MTCL2: variants seen among roughly 807,000 people sequenced by gnomAD.
The protein encoded by MTCL2 is microtubule crosslinking factor 2.
At chr20:36,810,265 A>G in the MTCL2 span, among the ~76,000 whole-genome samples, 1 of 152,330 alleles carries the variant, frequency 6.6e-6, no homozygotes, top group Admixed American at 6.5e-5. Context: ...CCCACCTCTG[A>G]GGGTCGTCAT....
chr20:36,818,396 G>C, the MTCL2 span, among the ~76,000 whole-genome samples: 1 of 152,224 alleles, frequency 6.6e-6, no homozygotes, highest in Admixed American at 6.5e-5. Context: ...AACATAGCAA[G>C]ACCCTGTCTC....
At chr20:36,790,583 T>C in the MTCL2 span, among the ~76,000 whole-genome samples, 7 of 151,248 alleles carry the variant, frequency 4.6e-5, no homozygotes, top group Middle Eastern at 3.2e-3. Flanking sequence ...TATAGGCGCA[T>C]GCTGCCACGC....
At chr20:36,859,596 A>G in the MTCL2 span, 1 of 1,231,658 alleles carries the variant, frequency 8.1e-7, no homozygotes, top group Non-Finnish European at 1.0e-6. Context: ...AGCTCCTTCT[A>G]TCTTCTCACT....
At chr20:36,822,413 G>C in the MTCL2 span, among the ~76,000 whole-genome samples, 16 of 152,388 alleles carry the variant, frequency 1.0e-4, no homozygotes, top group African/African-American at 3.8e-4. Flanking sequence ...TGCAACAGGG[G>C]CTTCCCCACT....
At chr20:36,847,873 A>T in the MTCL2 span, among the ~76,000 whole-genome samples, 2 of 146,152 alleles carry the variant, frequency 1.4e-5, no homozygotes, top group African/African-American at 5.0e-5. Context: ...AAAAAAAAAA[A>T]GAGTATAGCT....
At chr20:36,804,858 C>A in the MTCL2 span, 1 of 1,613,838 alleles carries the variant, frequency 6.2e-7, no homozygotes, top group Non-Finnish European at 8.5e-7. Flanking sequence ...ACAGCTCCTT[C>A]AGCGTCACCT....
At chr20:36,788,865 G>A in the MTCL2 span, among the ~76,000 whole-genome samples, 2 of 144,654 alleles carry the variant, frequency 1.4e-5, no homozygotes, top group East Asian at 4.1e-4. Context: ...GGAGTGCAAT[G>A]ATGCGATCTC....
the MTCL2 span, among the ~76,000 whole-genome samples, chr20:36,860,086 G>A: frequency 2.6e-5 from 4 of 152,168 alleles, no homozygotes; most frequent in African/African-American, 9.7e-5. Flanking sequence ...GAAGTTAAGG[G>A]ACTAACCCAA....
At chr20:36,853,634 A>G in the MTCL2 span, among the ~76,000 whole-genome samples, 1 of 151,904 alleles carries the variant, frequency 6.6e-6, no homozygotes, top group African/African-American at 2.4e-5. Flanking sequence ...GCCAGTCAGG[A>G]GTGAGCCTCC....
At chr20:36,819,983 G>A in the MTCL2 span, among the ~76,000 whole-genome samples, 1 of 152,210 alleles carries the variant, frequency 6.6e-6, no homozygotes, top group Non-Finnish European at 1.5e-5. Context: ...GACAAGGGCA[G>A]CCAGTGGGGC....
the MTCL2 span, chr20:36,862,528 G>C: frequency 5.9e-6 from 5 of 847,866 alleles, no homozygotes; most frequent in African/African-American, 8.9e-5. Context: ...CCTCAGAGTG[G>C]TCCCCAGAGG....
the MTCL2 span, among the ~76,000 whole-genome samples, chr20:36,801,434 T>C: frequency 6.6e-6 from 1 of 151,528 alleles, no homozygotes; most frequent in Non-Finnish European, 1.5e-5. Flanking sequence ...ACCCTGTAAA[T>C]ATAAATTTAA....
At chr20:36,818,017 G>A in the MTCL2 span, among the ~76,000 whole-genome samples, 116 of 152,274 alleles carry the variant, frequency 7.6e-4, no homozygotes, top group East Asian at 0.021. Flanking sequence ...TCCGTGGATG[G>A]AGCCCACATC....
At chr20:36,820,004 G>T in the MTCL2 span, among the ~76,000 whole-genome samples, 1 of 152,178 alleles carries the variant, frequency 6.6e-6, no homozygotes, top group Admixed American at 6.5e-5. Context: ...CCTGGACGGG[G>T]CACACAGAAG....
chr20:36,830,368 T>A, the MTCL2 span, among the ~76,000 whole-genome samples: 1 of 152,070 alleles, frequency 6.6e-6, no homozygotes, highest in African/African-American at 2.4e-5. Flanking sequence ...GAATTCGAGA[T>A]GTGCCTGGGG....
At chr20:36,802,741 C>A in the MTCL2 span, 2 of 1,285,034 alleles carry the variant, frequency 1.6e-6, no homozygotes, top group Non-Finnish European at 1.1e-6. Flanking sequence ...GTGTGCCAGA[C>A]CTCACTGGAT....
the MTCL2 span, among the ~76,000 whole-genome samples, chr20:36,797,947 A>G: frequency 6.6e-6 from 1 of 152,140 alleles, no homozygotes; most frequent in African/African-American, 2.4e-5. Flanking sequence ...AGTGGCCGTC[A>G]TTTATGGATC....
the MTCL2 span, chr20:36,782,528 T>TG: frequency 1.3e-5 from 2 of 152,172 alleles, no homozygotes; most frequent in African/African-American, 2.4e-5. Flanking sequence ...GAAGGAGATG[T>TG]GGGGTGGGAA....
chr20:36,833,050 C>T, the MTCL2 span, among the ~76,000 whole-genome samples: 1 of 152,104 alleles, frequency 6.6e-6, no homozygotes, highest in South Asian at 2.1e-4. Flanking sequence ...GATTATTATC[C>T]CCATTCTGAG....
Sources: gnomAD v4.1 joint callset for allele counts (sites outside exome capture counted in the v4.1 genomes callset) on GRCh38, gnomAD v4.1.1 for gene constraint, MANE v1.5 for transcripts, NCBI Gene and HGNC (gene_info 2026-07-23, HGNC 2026-07-21) for gene names.